PRKCE: variants seen among roughly 807,000 people sequenced by gnomAD.
PRKCE encodes protein kinase C epsilon type.
PRKCE carries 16 observed loss-of-function variants against 85.4 expected under a neutral mutation model. That is an observed-to-expected ratio of 0.19 (90% CI 0.13 to 0.28). PRKCE has a LOEUF of 0.28. Among genes scored for constraint, PRKCE ranks in the 10% least tolerant of loss-of-function variants. PRKCE has a pLI of 1.00. For missense variants in PRKCE, 573 were observed against 975.2 expected, an observed-to-expected ratio of 0.59 and a Z score of 5.49; for synonymous variants, 388 against 371.5, an observed-to-expected ratio of 1.04 and a Z score of -0.51.
intron 1 of PRKCE, among the ~76,000 whole-genome samples, chr2:45,746,095 T>C (rs554750802): frequency 9.8e-5 from 15 of 152,362 alleles, no homozygotes; most frequent in African/African-American, 3.1e-4. Context: ...CTTTCCGAGA[T>C]GTTCCTTCCC....
At chr2:46,182,303 C>CCTTT (rs1305063409) in intron 14 of PRKCE, among the ~76,000 whole-genome samples, 1 of 152,170 alleles carries the variant, frequency 6.6e-6, no homozygotes, top group Non-Finnish European at 1.5e-5. Context: ...GTCGCCACAC[C>CCTTT]CTTTGCCCAG....
intron 1 of PRKCE, among the ~76,000 whole-genome samples, chr2:45,720,960 A>G (rs1360656621): frequency 3.3e-5 from 5 of 152,110 alleles, no homozygotes. Flanking sequence ...TACAAAAATT[A>G]GCCGTGTGTG....
chr2:45,832,012 T>A (rs1340069731), intron 1 of PRKCE, among the ~76,000 whole-genome samples: 1 of 152,270 alleles, frequency 6.6e-6, no homozygotes, highest in Non-Finnish European at 1.5e-5. Flanking sequence ...AAGGCATTTC[T>A]GACTCCTAAA....
chr2:46,156,896 A>G (rs2104563340), intron 13 of PRKCE, among the ~76,000 whole-genome samples: 1 of 152,308 alleles, frequency 6.6e-6, no homozygotes, highest in African/African-American at 2.4e-5. Flanking sequence ...TTATGTTTTG[A>G]GGCTTTTATA....
At position 46,159,271 on chromosome 2, in the gene PRKCE, C is replaced by G. The variant is rs1408639371; in HGVS notation, c.1921-335C>G. 6.6e-6 allele frequency among the ~76,000 whole-genome samples: 1 copy of G among 152,208 alleles called. No homozygotes were observed. The highest frequency in any genetic ancestry group is 6.5e-5 in the Admixed American group (1 of 15,280). ...TAAGAGCCAGAGTGCATAATCCCAG[C>G]TTGGTCCCTTACTAGCTGGGTGACT... On this transcript the variant is annotated intron_variant, in intron 13 of 14. Coordinates refer to ENST00000306156, the MANE Select transcript of PRKCE (RefSeq NM_005400.3). The surrounding 1 kb of genome is among the most constrained non-coding windows in gnomAD (Gnocchi z 4.1).
At position 45,774,406 on chromosome 2, in the gene PRKCE, G is replaced by A. The variant is rs540191515; in HGVS notation, c.349-68594G>A. Among the ~76,000 whole-genome samples the A allele has an allele frequency of 2.8e-4, 43 of 152,300 alleles. No homozygotes were observed. Among genetic ancestry groups the A allele is most frequent in the African/African-American group, 4.8e-4 (20 of 41,568 alleles). On this transcript the variant is annotated intron_variant, in intron 1 of 14. Transcript: ENST00000306156. This position sits in a 1 kb window ranked among gnomAD's most constrained non-coding sequence, Gnocchi z 4.3. ...TGAACCCAGGATGAGGCAGAGTCCC[G>A]TCAGAGGCCTGTACAGGCAAACTCA...
At chr2:45,941,715 C>A (rs1340296778) in intron 2 of PRKCE, among the ~76,000 whole-genome samples, 1 of 152,098 alleles carries the variant, frequency 6.6e-6, no homozygotes, top group Non-Finnish European at 1.5e-5. Context: ...CTGAGCAATT[C>A]AAGCATGCAC....
At chr2:46,174,382 G>T (rs374660665) in intron 14 of PRKCE, among the ~76,000 whole-genome samples, 1 of 152,222 alleles carries the variant, frequency 6.6e-6, no homozygotes. Context: ...TGTAAAGGTC[G>T]CAAACTGGAG....
intron 1 of PRKCE, among the ~76,000 whole-genome samples, chr2:45,745,009 C>T (rs367875376): frequency 4.3e-4 from 65 of 152,260 alleles, no homozygotes; most frequent in African/African-American, 1.3e-3. Flanking sequence ...TCTGATATGC[C>T]CTCTGCTTTA....
chr2:46,144,809 C>T (rs1675909827), intron 11 of PRKCE, among the ~76,000 whole-genome samples: 1 of 152,142 alleles, frequency 6.6e-6, no homozygotes, highest in Non-Finnish European at 1.5e-5. Flanking sequence ...CATAGCAGGG[C>T]TTCTATATAT....
chr2:45,845,149 G>T (rs1021643363), intron 2 of PRKCE, among the ~76,000 whole-genome samples: 1 of 151,124 alleles, frequency 6.6e-6, no homozygotes, highest in Non-Finnish European at 1.5e-5. Context: ...TCCGTTCTGA[G>T]AAGCTGCTCT....
chr2:45,761,942 C>A (rs1684541030), intron 1 of PRKCE, among the ~76,000 whole-genome samples: 1 of 152,090 alleles, frequency 6.6e-6, no homozygotes, highest in Non-Finnish European at 1.5e-5. Context: ...CAGGACCACC[C>A]AGCAAGTTCC....
chr2:45,739,658 G>A (rs754349896), intron 1 of PRKCE, among the ~76,000 whole-genome samples: 6 of 152,100 alleles, frequency 3.9e-5, no homozygotes, highest in Non-Finnish European at 7.4e-5. Flanking sequence ...AAAATTCTAG[G>A]GTTAGGAAAT....
chr2:45,824,485 T>A (rs1333017618), intron 1 of PRKCE, among the ~76,000 whole-genome samples: 2 of 152,110 alleles, frequency 1.3e-5, no homozygotes, highest in African/African-American at 4.8e-5. Flanking sequence ...TGGGGAGGAC[T>A]CCCTTCCCCA....
intron 11 of PRKCE, among the ~76,000 whole-genome samples, chr2:46,105,083 G>C (rs1246919023): frequency 6.6e-6 from 1 of 151,494 alleles, no homozygotes; most frequent in Non-Finnish European, 1.5e-5. Context: ...GCAGATGTCT[G>C]TTCTTCTCAA....
intron 10 of PRKCE, among the ~76,000 whole-genome samples, chr2:46,070,728 A>G (rs1668015403): frequency 6.6e-6 from 1 of 152,168 alleles, no homozygotes; most frequent in African/African-American, 2.4e-5. Flanking sequence ...GGAGTAACAG[A>G]AAGAGCCCCT....
intron 1 of PRKCE, among the ~76,000 whole-genome samples, chr2:45,672,860 A>G (rs923427360): frequency 4.6e-5 from 7 of 152,028 alleles, no homozygotes; most frequent in African/African-American, 1.7e-4. Flanking sequence ...GCCAGTCTCT[A>G]AAAAAATTTT....
intron 10 of PRKCE, among the ~76,000 whole-genome samples, chr2:46,039,821 A>T (rs570342512): frequency 2.0e-4 from 31 of 152,244 alleles, no homozygotes; most frequent in African/African-American, 7.2e-4. Flanking sequence ...AGTGGCTCAT[A>T]TTCTCCACTG....
intron 1 of PRKCE, among the ~76,000 whole-genome samples, chr2:45,689,145 A>G (rs1327642925): frequency 6.6e-6 from 1 of 152,240 alleles, no homozygotes; most frequent in Non-Finnish European, 1.5e-5. Context: ...CTTTACAAGA[A>G]GGGAGGGACT....
Sources: allele counts gnomAD v4.1 joint callset (sites outside exome capture counted in the v4.1 genomes callset), GRCh38; gene constraint gnomAD v4.1.1; non-coding constraint Gnocchi (gnomAD v3.1); transcripts MANE v1.5; gene names NCBI Gene and HGNC (gene_info 2026-07-23, HGNC 2026-07-21).